The following PIK3C2G variants were observed in gnomAD, a reference collection of about 807,000 sequenced individuals.
PIK3C2G encodes phosphatidylinositol 3-kinase C2 domain-containing subunit gamma.
Under a neutral mutation model 181.1 loss-of-function variants are expected in PIK3C2G, and 168 were observed. The observed-to-expected ratio is 0.93, with a 90% CI of 0.82 to 1.05. PIK3C2G has a LOEUF of 1.05. PIK3C2G is among the 50% of genes least tolerant of loss of function. The pLI, the probability that PIK3C2G is intolerant of heterozygous loss-of-function variation, is 0.00. For missense variants in PIK3C2G, 1,869 were observed against 1,732.8 expected (o/e 1.08, Z -1.40); for synonymous variants, 573 against 592.2 (o/e 0.97, Z 0.47).
At chr12:18,327,409 G>GA (rs1197094073) in intron 8 of PIK3C2G, among the ~76,000 whole-genome samples, 1 of 151,766 alleles carries the variant, frequency 6.6e-6, no homozygotes, top group African/African-American at 2.4e-5. Context: ...CACATGATTT[G>GA]AAAAAACAAC....
At chr12:18,476,745 A>G (rs568487234) in intron 18 of PIK3C2G, among the ~76,000 whole-genome samples, 43 of 152,214 alleles carry the variant, frequency 2.8e-4, no homozygotes, top group African/African-American at 1.0e-3. Flanking sequence ...ATTCATGGAG[A>G]TAAGTAATTC....
chr12:18,723,622 TGTA>T, the PIK3C2G span: 2 of 1,063,644 alleles, frequency 1.9e-6, no homozygotes, highest in East Asian at 2.5e-5. Context: ...TTATGTAACA[TGTA>T]GTAATTTATA....
Position 18,641,402 on chromosome 12 carries a change from G to A in PIK3C2G, c.4308+848G>A, listed in dbSNP as rs1001508130. Among the ~76,000 whole-genome samples, 35 of 152,008 alleles carry A rather than the reference G, an allele frequency of 2.3e-4. 2 individuals are homozygous for A. On this transcript the variant is annotated intron_variant, in intron 32 of 32. Transcript: ENST00000538779. ...AAATCCAAAGAGCCCTCAGGCTCTC[G>A]TGCCTGGATCAGTTATACAGCAGCA...
At chr12:18,512,321 G>C (rs1031057473) in intron 24 of PIK3C2G, among the ~76,000 whole-genome samples, 3 of 151,526 alleles carry the variant, frequency 2.0e-5, no homozygotes, top group Non-Finnish European at 1.5e-5. Context: ...CCATGATAAG[G>C]ATTGTTTGTC....
chr12:18,281,924 A>C, intron 1 of PIK3C2G, 80 bp from the exon 2 acceptor site: 1 of 578,710 alleles, frequency 1.7e-6, no homozygotes, highest in Non-Finnish European at 3.1e-6. Context: ...AGTTAGTTAT[A>C]GTTATTTATC....
intron 11 of PIK3C2G, among the ~76,000 whole-genome samples, chr12:18,351,299 T>C (rs1398944464): frequency 6.6e-6 from 1 of 152,088 alleles, no homozygotes; most frequent in African/African-American, 2.4e-5. Flanking sequence ...CCTCACATTA[T>C]AAATAAGACA....
Position 18,405,570 on chromosome 12 carries a change from C to A in PIK3C2G, c.2315+5723C>A, listed in dbSNP as rs57096540. Among the ~76,000 whole-genome samples, 170 of 147,742 alleles carry A rather than the reference C, an allele frequency of 1.2e-3. 1 individual carries two copies. The highest frequency in any genetic ancestry group is 3.4e-3 in the African/African-American group (135 of 39,892). ...AAGCAAGAAAAACCAGGAAAATAAA[C>A]TGAAAAAAAAGTGACCAAAAGGTTG... On this transcript the variant is annotated intron_variant, in intron 16 of 32. Coordinates refer to ENST00000538779, the MANE Select transcript of PIK3C2G (RefSeq NM_001288772.2).
intron 29 of PIK3C2G, among the ~76,000 whole-genome samples, chr12:18,575,092 G>A (rs1946163887): frequency 6.6e-6 from 1 of 152,072 alleles, no homozygotes; most frequent in Admixed American, 6.6e-5. Flanking sequence ...AGGTCATAGG[G>A]GTCCTAAGCA....
At chr12:18,448,482 G>A (rs1221721578) in intron 18 of PIK3C2G, among the ~76,000 whole-genome samples, 10 of 151,924 alleles carry the variant, frequency 6.6e-5, no homozygotes, top group East Asian at 3.9e-4. Context: ...CATGTTGTAC[G>A]TTAGATCTCT....
intron 30 of PIK3C2G, among the ~76,000 whole-genome samples, chr12:18,602,377 C>A (rs570080158): frequency 6.7e-4 from 102 of 151,382 alleles, no homozygotes; most frequent in African/African-American, 2.4e-3. Context: ...CGCAGCAAGA[C>A]CAGCCCAAGG....
chr12:18,304,432 T>C (rs1049398537), intron 5 of PIK3C2G, among the ~76,000 whole-genome samples: 1 of 152,110 alleles, frequency 6.6e-6, no homozygotes, highest in Non-Finnish European at 1.5e-5. Context: ...AATTTTTGTA[T>C]TTTTAGTAGA....
intron 18 of PIK3C2G, among the ~76,000 whole-genome samples, chr12:18,441,413 T>C (rs1291075019): frequency 4.6e-5 from 7 of 152,118 alleles, no homozygotes; most frequent in Middle Eastern, 6.8e-3. Flanking sequence ...GCTTTTACAA[T>C]AGGAAAAATT....
chr12:18,298,467 T>G (rs1055599731), intron 5 of PIK3C2G, among the ~76,000 whole-genome samples: 1 of 151,260 alleles, frequency 6.6e-6, no homozygotes, highest in African/African-American at 2.4e-5. Flanking sequence ...CTTGTTAGAT[T>G]AACAGTTTGC....
chr12:18,509,296 C>T (rs1475591685), intron 24 of PIK3C2G, among the ~76,000 whole-genome samples: 1 of 152,194 alleles, frequency 6.6e-6, no homozygotes, highest in African/African-American at 2.4e-5. Flanking sequence ...AATTCGCCCG[C>T]CTCGGCCTCT....
chr12:18,421,323 A>G (rs1222671855), intron 17 of PIK3C2G, among the ~76,000 whole-genome samples: 1 of 152,066 alleles, frequency 6.6e-6, no homozygotes. Flanking sequence ...TGTATATATA[A>G]AATGATAAAA....
At chr12:18,655,174 C>T in the PIK3C2G span, among the ~76,000 whole-genome samples, 1 of 151,988 alleles carries the variant, frequency 6.6e-6, no homozygotes, top group Admixed American at 6.6e-5. Context: ...GGAGATCATA[C>T]GGTGAAAATA....
chr12:18,596,712 C>A (rs1947383807), intron 30 of PIK3C2G, among the ~76,000 whole-genome samples: 1 of 152,072 alleles, frequency 6.6e-6, no homozygotes, highest in Non-Finnish European at 1.5e-5. Context: ...CGTATCACTA[C>A]CTCCCATTTG....
At chr12:18,719,484 T>C in the PIK3C2G span, 3 of 1,582,248 alleles carry the variant, frequency 1.9e-6, no homozygotes, top group Non-Finnish European at 2.6e-6. Flanking sequence ...ATACCAAATA[T>C]GTGTTATGTG....
intron 4 of PIK3C2G, among the ~76,000 whole-genome samples, chr12:18,292,223 A>AT (rs1555149033): frequency 7.8e-5 from 5 of 64,464 alleles, no homozygotes; most frequent in South Asian, 8.0e-4. Flanking sequence ...AAAAAAAAAA[A>AT]AAAAATATAT....
Sources: allele counts gnomAD v4.1 joint callset (sites outside exome capture counted in the v4.1 genomes callset), GRCh38; gene constraint gnomAD v4.1.1; transcripts MANE v1.5; gene names NCBI Gene and HGNC (gene_info 2026-07-23, HGNC 2026-07-21).